THRB: variants seen among roughly 807,000 people sequenced by gnomAD.
The protein encoded by THRB is nuclear receptor subfamily 1 group A member 2.
Under a neutral mutation model 47.8 loss-of-function variants are expected in THRB, and 12 were observed. The ratio of observed to expected loss-of-function variants is 0.25; its 90% CI spans 0.16 to 0.41. The LOEUF is 0.41. THRB is among the 10% of genes least tolerant of loss of function. THRB has a pLI of 1.00. For missense variants in THRB, 348 were observed against 589.2 expected (o/e 0.59, Z 4.24); for synonymous variants, 218 against 212.2 (o/e 1.03, Z -0.24).
intron 5 of THRB, among the ~76,000 whole-genome samples, chr3:24,187,175 A>G (rs1435927348): frequency 6.6e-6 from 1 of 151,958 alleles, no homozygotes; most frequent in Admixed American, 6.6e-5. Flanking sequence ...ACAATCCCCA[A>G]CTAACTGTCT....
chr3:24,179,189 C>T (rs7652347), intron 5 of THRB, among the ~76,000 whole-genome samples: 32,780 of 152,080 alleles, frequency 0.22, 4,025 homozygotes, highest in African/African-American at 0.32. Context: ...CTGGTCCTCA[C>T]CTCAACTCCC....
chr3:24,328,623 A>G (rs115055909), intron 2 of THRB, among the ~76,000 whole-genome samples: 2 of 152,252 alleles, frequency 1.3e-5, no homozygotes, highest in African/African-American at 2.4e-5. Context: ...TGTTTCGTCA[A>G]TTCTACTGTA....
chr3:24,240,579 A>G lies in THRB; in HGVS notation c.-42-11578T>C, dbSNP rs80267862. ...GTTGGAAGAGTTGTACGAATACCTC[A>G]GTAGATGAATAAATGACCGGTTGCC... On this transcript the variant is annotated intron_variant, in intron 3 of 10. Transcript: ENST00000646209. Among the ~76,000 whole-genome samples the G allele has an allele frequency of 8.5e-3, 1,299 of 152,298 alleles. 26 individuals carry two copies. The highest frequency in any genetic ancestry group is 0.029 in the African/African-American group (1,220 of 41,564).
chr3:24,162,787 T>C (rs2039070157), intron 5 of THRB, among the ~76,000 whole-genome samples: 1 of 152,136 alleles, frequency 6.6e-6, no homozygotes, highest in Non-Finnish European at 1.5e-5. Flanking sequence ...TTGGGTAGTG[T>C]AGCCTTCCTT....
At chr3:24,355,771 G>GC (rs145558356) in intron 1 of THRB, among the ~76,000 whole-genome samples, 2,551 of 152,266 alleles carry the variant, frequency 0.017, 77 homozygotes, top group African/African-American at 0.056. Flanking sequence ...ACGTATATTA[G>GC]TAAAAACACA....
intron 3 of THRB, among the ~76,000 whole-genome samples, chr3:24,289,221 G>T (rs1258751948): frequency 6.6e-6 from 1 of 152,134 alleles, no homozygotes; most frequent in Non-Finnish European, 1.5e-5. Context: ...AAACACGTAG[G>T]ATTTAAAGCA....
chr3:24,228,327 A>G (rs9853992), intron 4 of THRB, among the ~76,000 whole-genome samples: 7,095 of 152,272 alleles, frequency 0.047, 205 homozygotes, highest in East Asian at 0.085. Flanking sequence ...TAAGAGTTTT[A>G]TAACTGACTT....
At chr3:24,239,222 G>A (rs778158318) in intron 3 of THRB, among the ~76,000 whole-genome samples, 9 of 152,138 alleles carry the variant, frequency 5.9e-5, no homozygotes, top group South Asian at 2.1e-4. Context: ...GATTACAGGC[G>A]TGAGCCACTG....
intron 2 of THRB, among the ~76,000 whole-genome samples, chr3:24,322,794 T>C (rs766153730): frequency 9.9e-5 from 15 of 152,238 alleles, no homozygotes; most frequent in Non-Finnish European, 2.1e-4. Flanking sequence ...GATCAATATA[T>C]GAGAATAGTC....
rs558485564 is a variant in THRB, at chr3:24,450,936, G to T, written c.-261+43716C>A. On this transcript the variant is annotated intron_variant, in intron 1 of 10. Coordinates refer to ENST00000646209, the MANE Select transcript of THRB (RefSeq NM_001354712.2). Reference sequence around the variant, plus strand: ...GTGCATTATGAAGTCTGTTATATTTGCAGGAAAACATTCTAAAAATTAGAC... The same window carrying T: ...GTGCATTATGAAGTCTGTTATATTTTCAGGAAAACATTCTAAAAATTAGAC... Among the ~76,000 whole-genome samples, 101 of 152,166 alleles carry T rather than the reference G, an allele frequency of 6.6e-4. 1 individual carries two copies. The highest frequency in any genetic ancestry group is 2.6e-4 in the Non-Finnish European group (18 of 68,008).
intron 3 of THRB, among the ~76,000 whole-genome samples, chr3:24,285,229 A>AC (rs2055139695): frequency 6.6e-6 from 1 of 151,838 alleles, no homozygotes; most frequent in Admixed American, 6.6e-5. Flanking sequence ...TGGCACATAT[A>AC]CACCATGGAA....
intron 8 of THRB, among the ~76,000 whole-genome samples, chr3:24,135,036 C>T (rs1404945822): frequency 6.6e-6 from 1 of 152,194 alleles, no homozygotes; most frequent in Non-Finnish European, 1.5e-5. Context: ...GTATTTGATT[C>T]AGCAGGTCAG....
At chr3:24,448,574 A>G (rs1270278768) in intron 1 of THRB, among the ~76,000 whole-genome samples, 1 of 152,176 alleles carries the variant, frequency 6.6e-6, no homozygotes, top group Non-Finnish European at 1.5e-5. Context: ...TCTTTATTAA[A>G]AAGACTTGTA....
At chr3:24,306,502 T>A (rs1485897339) in intron 2 of THRB, among the ~76,000 whole-genome samples, 2 of 152,196 alleles carry the variant, frequency 1.3e-5, no homozygotes, top group Admixed American at 6.5e-5. Flanking sequence ...AGGGAAAAAT[T>A]ATCCCAAAGA....
intron 1 of THRB, among the ~76,000 whole-genome samples, chr3:24,393,493 C>A (rs1035226957): frequency 2.0e-5 from 3 of 152,150 alleles, no homozygotes; most frequent in Admixed American, 6.6e-5. Context: ...TAAACAAGTT[C>A]TAGGGGCACC....
chr3:24,464,433 C>A (rs929176871), intron 1 of THRB, among the ~76,000 whole-genome samples: 8 of 151,922 alleles, frequency 5.3e-5, no homozygotes, highest in African/African-American at 1.9e-4. Context: ...ATGAATATTG[C>A]CATTTTAGCT....
chr3:24,327,340 A>T (rs1357056180), intron 2 of THRB, among the ~76,000 whole-genome samples: 2 of 152,184 alleles, frequency 1.3e-5, no homozygotes, highest in Non-Finnish European at 2.9e-5. Flanking sequence ...TTCTAATTCA[A>T]TCAAAGAGTT....
At chr3:24,330,025 G>T (rs1007440546) in intron 2 of THRB, among the ~76,000 whole-genome samples, 2 of 152,208 alleles carry the variant, frequency 1.3e-5, no homozygotes, top group African/African-American at 4.8e-5. Flanking sequence ...TTTCATTTCG[G>T]CCAGGCGCGG....
intron 1 of THRB, among the ~76,000 whole-genome samples, chr3:24,479,594 G>A (rs1359878163): frequency 6.6e-6 from 1 of 152,172 alleles, no homozygotes; most frequent in Non-Finnish European, 1.5e-5. Flanking sequence ...GGGAGATCTG[G>A]CTGTGACTCC....
Sources: gnomAD v4.1 joint callset for allele counts (sites outside exome capture counted in the v4.1 genomes callset) on GRCh38, gnomAD v4.1.1 for gene constraint, MANE v1.5 for transcripts, NCBI Gene and HGNC (gene_info 2026-07-23, HGNC 2026-07-21) for gene names.